PLD5: variants seen among roughly 807,000 people sequenced by gnomAD.
PLD5 encodes the protein phospholipase D family member 5, also known as inactive phospholipase D5.
Under a neutral mutation model 61.1 loss-of-function variants are expected in PLD5, and 36 were observed. The observed-to-expected ratio is 0.59, with a 90% CI of 0.45 to 0.78. The LOEUF (loss-of-function observed/expected upper bound fraction) is 0.78, where lower values mean the gene tolerates loss of function less well. Ranked by LOEUF, PLD5 falls within the 30% of genes least tolerant of loss-of-function variation. The pLI, the probability that PLD5 is intolerant of heterozygous loss-of-function variation, is 0.00. For missense variants in PLD5, 515 were observed against 644.4 expected (o/e 0.80, Z 2.17); for synonymous variants, 243 against 242.8 (o/e 1.00, Z -0.01).
chr1:242,376,913 C>G (rs1406972820), intron 1 of PLD5: 7 of 1,593,968 alleles, frequency 4.4e-6, no homozygotes, highest in Non-Finnish European at 5.1e-6. Context: ...CCTCATGGAT[C>G]ATCTGTGGCT....
chr1:242,302,702 G>C (rs764947599), intron 2 of PLD5, among the ~76,000 whole-genome samples: 1 of 152,204 alleles, frequency 6.6e-6, no homozygotes, highest in Non-Finnish European at 1.5e-5. Flanking sequence ...CTGGGCAACA[G>C]AGCAAGACTC....
intron 1 of PLD5, among the ~76,000 whole-genome samples, chr1:242,350,576 C>T (rs1326900490): frequency 1.3e-5 from 2 of 152,118 alleles, no homozygotes; most frequent in African/African-American, 4.8e-5. Flanking sequence ...TCCAAGGAAA[C>T]TCCCAAACTC....
chr1:242,308,211 C>T (rs1436348861), intron 2 of PLD5, among the ~76,000 whole-genome samples: 1 of 151,958 alleles, frequency 6.6e-6, no homozygotes. Flanking sequence ...TTTATATTTG[C>T]TCTCATTACA....
rs576671691 is a variant in PLD5 at position 242,325,980 on chromosome 1, T to C, written c.326+22126A>G. Among the ~76,000 whole-genome samples the C allele has an allele frequency of 5.9e-4, 85 of 144,176 alleles. 4 individuals are homozygous for C. In the South Asian group the frequency reaches 0.018, roughly 31 times the overall value. The allele number at this position is 144,176 out of a possible 152,430, so 94.6% of individuals were successfully genotyped here. A position where few individuals can be genotyped will look rare whatever the true frequency, so the allele number is the denominator to read the frequency against. On this transcript the variant is annotated intron_variant, in intron 2 of 9. Transcript: ENST00000536534. ...TTACCTCACTGTAACCTCAAACTGC[T>C]GGGCGTAAGTGATCTACACATCTCA...
intron 1 of PLD5, among the ~76,000 whole-genome samples, chr1:242,354,489 G>A (rs1302556883): frequency 4.6e-5 from 7 of 152,172 alleles, no homozygotes; most frequent in African/African-American, 1.7e-4. Context: ...CTGGCTTGCT[G>A]TTGAATTATT....
intron 4 of PLD5, among the ~76,000 whole-genome samples, chr1:242,222,622 T>A (rs1670669554): frequency 1.3e-5 from 2 of 152,220 alleles, no homozygotes; most frequent in Non-Finnish European, 2.9e-5. Flanking sequence ...GGAGTCCTCA[T>A]CTGTTGTCAC....
At chr1:242,223,168 T>C (rs1263728589) in intron 4 of PLD5, among the ~76,000 whole-genome samples, 2 of 152,138 alleles carry the variant, frequency 1.3e-5, no homozygotes, top group Non-Finnish European at 2.9e-5. Flanking sequence ...GTGGAAAACA[T>C]GAGGATCTCT....
intron 5 of PLD5, among the ~76,000 whole-genome samples, chr1:242,184,367 A>G (rs1358381912): frequency 6.6e-6 from 1 of 152,082 alleles, no homozygotes. Flanking sequence ...CACAGCTTTC[A>G]GTTGTCTTCT....
chr1:242,119,201 AATC>A (rs1208107184), intron 6 of PLD5, among the ~76,000 whole-genome samples: 1 of 152,212 alleles, frequency 6.6e-6, no homozygotes, highest in Non-Finnish European at 1.5e-5. Context: ...CTCATTAAAT[AATC>A]ACCTTGTACA....
intron 1 of PLD5, among the ~76,000 whole-genome samples, chr1:242,387,961 G>A (rs1267525334): frequency 6.6e-6 from 1 of 152,102 alleles, no homozygotes; most frequent in Non-Finnish European, 1.5e-5. Flanking sequence ...CACAGAAAGG[G>A]AAATATTGAT....
At chr1:242,412,862 C>T (rs970289579) in intron 1 of PLD5, among the ~76,000 whole-genome samples, 1 of 152,134 alleles carries the variant, frequency 6.6e-6, no homozygotes, top group East Asian at 1.9e-4. Flanking sequence ...TGTGGTAACC[C>T]TGTGTTTAGT....
At chr1:242,104,584 CACTA>C (rs1418879451) in intron 8 of PLD5, among the ~76,000 whole-genome samples, 2 of 152,222 alleles carry the variant, frequency 1.3e-5, no homozygotes, top group African/African-American at 4.8e-5. Flanking sequence ...CCCCATTACT[CACTA>C]GTGTCCTTGA....
chr1:242,275,424 C>A (rs1433705539), intron 3 of PLD5, among the ~76,000 whole-genome samples: 2 of 152,032 alleles, frequency 1.3e-5, no homozygotes, highest in Non-Finnish European at 2.9e-5. Flanking sequence ...GTAGGATATA[C>A]AAAGTTTGCC....
At chr1:242,182,294 G>A (rs756258748) in intron 5 of PLD5, among the ~76,000 whole-genome samples, 3 of 152,178 alleles carry the variant, frequency 2.0e-5, no homozygotes, top group Non-Finnish European at 4.4e-5. Context: ...ACTTGGCCAT[G>A]GGTATCCCTA....
intron 1 of PLD5, among the ~76,000 whole-genome samples, chr1:242,483,768 A>T (rs1667864602): frequency 6.6e-6 from 1 of 152,202 alleles, no homozygotes; most frequent in Non-Finnish European, 1.5e-5. Context: ...TCTTTTCAGC[A>T]CCACACCACA....
chr1:242,342,259 T>G (rs1213501534), intron 2 of PLD5, among the ~76,000 whole-genome samples: 1 of 152,138 alleles, frequency 6.6e-6, no homozygotes, highest in Non-Finnish European at 1.5e-5. Context: ...GAGTAGCAAC[T>G]GAAAATGACT....
chr1:242,083,093 C>T lies in PLD5; in HGVS notation c.*6761G>A, dbSNP rs1204979254. On this transcript the variant is annotated 3_prime_UTR_variant, in exon 10 of 10. Transcript: ENST00000536534. Reference sequence around the variant, plus strand: ...CTCATTGTTCAGGAGTCAAGTATTTCTCCAGTAAGCTAAGAGCAGAATGGT... The same window carrying T: ...CTCATTGTTCAGGAGTCAAGTATTTTTCCAGTAAGCTAAGAGCAGAATGGT... The T allele has an allele frequency of 6.6e-6, 1 of 151,960 alleles. No individual in the cohort carries two copies. The highest frequency in any genetic ancestry group is 1.5e-5 in the Non-Finnish European group (1 of 68,008). 9.4% of individuals were successfully genotyped at this position (151,960 alleles called of 1,614,324 possible). A position where few individuals can be genotyped will look rare whatever the true frequency, so the allele number is the denominator to read the frequency against.
Position 242,113,989 on chromosome 1 carries a change from A to T in PLD5, c.971T>A (p.Phe324Tyr). 6.2e-7 allele frequency: 1 copy of T among 1,614,020 alleles called. No homozygotes were observed. The highest frequency in any genetic ancestry group is 1.1e-5 in the South Asian group (1 of 91,054). The change falls in exon 7 of 10, where the codon TTT becomes TAT. Residue 324 changes from phenylalanine (F) to tyrosine (Y), a missense_variant. Phe to Tyr is a conservative substitution (Grantham distance 22). Transcript: ENST00000536534. ...PKLFCPKNRS[F>Y]DIDAIYSVID... The stretch of plus-strand genomic sequence containing the variant: ...CACACTGTAGATGGCATCTATGTCA[A>T]AACTTCTGTTTTTAGGGCAAAAGAG...
At chr1:242,415,228 C>T (rs1664755144) in intron 1 of PLD5, among the ~76,000 whole-genome samples, 1 of 152,158 alleles carries the variant, frequency 6.6e-6, no homozygotes. Context: ...TTTAGCCTCT[C>T]ACTCAGTAAC....
Sources: allele counts gnomAD v4.1 joint callset (sites outside exome capture counted in the v4.1 genomes callset), GRCh38; gene constraint gnomAD v4.1.1; transcripts MANE v1.5; gene names NCBI Gene and HGNC (gene_info 2026-07-23, HGNC 2026-07-21).